Variants in SCP2 observed in about 807,000 individuals in gnomAD.
SCP2 encodes sterol carrier protein 2, also known as SCP-2/3-oxoacyl-CoA thiolase.
SCP2 carries 48 observed loss-of-function variants against 71.4 expected under a neutral mutation model. The observed-to-expected ratio is 0.67, with a 90% CI of 0.53 to 0.86. SCP2 has a LOEUF of 0.86. SCP2 is among the 40% of genes least tolerant of loss of function. SCP2 has a pLI of 0.00. For synonymous variants in SCP2, 220 were observed against 218.1 expected, an observed-to-expected ratio of 1.01 and a Z score of -0.08; for missense variants, 560 against 655.6, an observed-to-expected ratio of 0.85 and a Z score of 1.59.
At chr1:52,968,876 T>G (rs115640636) in intron 6 of SCP2, among the ~76,000 whole-genome samples, 4,068 of 152,222 alleles carry the variant, frequency 0.027, 190 homozygotes, top group African/African-American at 0.093. Context: ...AAAATTGATT[T>G]ACACATATTT....
At chr1:52,980,806 A>AT (rs1658417239) in intron 10 of SCP2, among the ~76,000 whole-genome samples, 1 of 152,202 alleles carries the variant, frequency 6.6e-6, no homozygotes. Flanking sequence ...ATCTGACCAA[A>AT]ATAGCTACTC....
chr1:53,027,130 G>A (rs1662189871), intron 12 of SCP2, among the ~76,000 whole-genome samples: 1 of 151,902 alleles, frequency 6.6e-6, no homozygotes, highest in Admixed American at 6.6e-5. Context: ...ATTTAGAAAT[G>A]GTCTGGTTCC....
intron 4 of SCP2, among the ~76,000 whole-genome samples, chr1:52,952,569 A>G (rs1258609088): frequency 2.0e-5 from 3 of 151,920 alleles, no homozygotes; most frequent in African/African-American, 7.3e-5. Flanking sequence ...TTTTGTTTCC[A>G]TCAGTTGAGG....
At chr1:53,003,513 C>G (rs1334788226) in intron 11 of SCP2, among the ~76,000 whole-genome samples, 1 of 151,992 alleles carries the variant, frequency 6.6e-6, no homozygotes, top group African/African-American at 2.4e-5. Context: ...AGCCATCATG[C>G]CTTCTTTTTC....
intron 4 of SCP2, among the ~76,000 whole-genome samples, chr1:52,951,804 C>T (rs1200150882): frequency 6.6e-6 from 1 of 151,850 alleles, no homozygotes; most frequent in Admixed American, 6.6e-5. Context: ...GCAACCTCCA[C>T]CTCCCGGGTT....
intron 6 of SCP2, among the ~76,000 whole-genome samples, chr1:52,969,678 G>T (rs1026771548): frequency 1.3e-5 from 2 of 151,990 alleles, no homozygotes; most frequent in African/African-American, 4.8e-5. Flanking sequence ...AAAATTAGCC[G>T]GGCGTGGTCG....
intron 11 of SCP2, among the ~76,000 whole-genome samples, chr1:53,001,753 C>T (rs1257298403): frequency 6.6e-6 from 1 of 152,174 alleles, no homozygotes; most frequent in African/African-American, 2.4e-5. Flanking sequence ...CCTTATGAAG[C>T]TTTTCCTGTT....
intron 11 of SCP2, chr1:52,994,391 T>A: frequency 3.6e-6 from 2 of 557,724 alleles, no homozygotes; most frequent in Non-Finnish European, 4.6e-6. Context: ...TTTTCTCTTC[T>A]GAAATAGCAT....
At chr1:53,013,926 T>C (rs1394260602) in intron 11 of SCP2, among the ~76,000 whole-genome samples, 1 of 135,584 alleles carries the variant, frequency 7.4e-6, no homozygotes. Flanking sequence ...GACGGAGTCT[T>C]GCTCTGTCGC....
chr1:52,999,806 T>G (rs1296752935), intron 11 of SCP2, among the ~76,000 whole-genome samples: 3 of 147,776 alleles, frequency 2.0e-5, no homozygotes, highest in Non-Finnish European at 3.0e-5. Context: ...CAACACTTAC[T>G]GAACACTTGT....
chr1:52,980,458 A>C lies in SCP2; in HGVS notation c.888A>C (p.Pro296=), dbSNP rs1572131677. 1 of 1,614,104 alleles carries C rather than the reference A, an allele frequency of 6.2e-7. No individual in the cohort carries two copies. The highest frequency in any genetic ancestry group is 8.5e-7 in the Non-Finnish European group (1 of 1,179,958). ...RKCYEKSGLT[P]NDIDVIELHD... ...GCTATGAGAAATCTGGCCTGACACC[A>C]AATGATATTGACGTAATAGAACTTC... The change falls in exon 10 of 16, where the codon CCA becomes CCC. Residue 296 remains proline, a synonymous_variant. Transcript: ENST00000371514.
In SCP2 at chr1:53,046,803, A is replaced by G. The variant is rs543782938; in HGVS notation, c.1469-1055A>G. On this transcript the variant is annotated intron_variant, in intron 14 of 15. Transcript: ENST00000371514. ...CTGACCTGCAAAGCCTAAAATATTT[A>G]GTGTCTGATCTGTTACAGAAAGTTT... Among the ~76,000 whole-genome samples, 79 of 152,338 alleles carry G rather than the reference A, an allele frequency of 5.2e-4. 1 individual carries two copies. The highest frequency in any genetic ancestry group is 5.4e-4 in the Non-Finnish European group (37 of 68,024).
At chr1:52,968,518 A>T (rs556982591) in intron 6 of SCP2, among the ~76,000 whole-genome samples, 37 of 152,304 alleles carry the variant, frequency 2.4e-4, no homozygotes, top group Admixed American at 8.5e-4. Context: ...CTTATATCAT[A>T]TAATTTACTC....
chr1:52,934,663 AGTGCAGTGG>A (rs1653521738), intron 1 of SCP2, among the ~76,000 whole-genome samples: 1 of 109,550 alleles, frequency 9.1e-6, no homozygotes, highest in Non-Finnish European at 1.7e-5. Context: ...CCCAGGCTGG[AGTGCAGTGG>A]TGCGATCTTG....
chr1:52,933,116 C>T (rs1653313796), intron 1 of SCP2, among the ~76,000 whole-genome samples: 1 of 152,150 alleles, frequency 6.6e-6, no homozygotes, highest in Non-Finnish European at 1.5e-5. Flanking sequence ...ATTGCTTATT[C>T]CCCATGGGGC....
chr1:53,034,767 C>G (rs1406991418), intron 13 of SCP2, among the ~76,000 whole-genome samples: 1 of 152,070 alleles, frequency 6.6e-6, no homozygotes, highest in Non-Finnish European at 1.5e-5. Context: ...AGGTACTTAT[C>G]AGAGTGCCTG....
intron 2 of SCP2, chr1:52,943,818 G>T: frequency 4.5e-6 from 2 of 446,274 alleles, no homozygotes; most frequent in South Asian, 1.9e-5. Context: ...TAATGATGAG[G>T]TTTCTTCACC....
intron 11 of SCP2, among the ~76,000 whole-genome samples, chr1:52,999,429 T>C (rs1249975161): frequency 6.6e-6 from 1 of 152,192 alleles, no homozygotes; most frequent in Non-Finnish European, 1.5e-5. Flanking sequence ...CTGTAAATGG[T>C]GTTAATTTAA....
chr1:52,980,351 G>A lies in SCP2; in HGVS notation c.826-45G>A, dbSNP rs759656100. 8.2e-6 allele frequency: 13 copies of A among 1,576,348 alleles called. No homozygotes were observed. The Admixed American group carries it at 2.1e-4, about 26-fold the overall frequency. The stretch of plus-strand genomic sequence containing the variant: ...AATCTCTTAAAATACTTGTTTAAAA[G>A]GCCCAGTTTTGGTGCCCTTTATTTA... On this transcript the variant is annotated intron_variant, in intron 9 of 15. Transcript: ENST00000371514.
Sources: allele counts gnomAD v4.1 joint callset (sites outside exome capture counted in the v4.1 genomes callset), GRCh38; gene constraint gnomAD v4.1.1; transcripts MANE v1.5; gene names NCBI Gene and HGNC (gene_info 2026-07-23, HGNC 2026-07-21).